NRP1: variants seen among roughly 807,000 people sequenced by gnomAD.
The protein encoded by NRP1 is neuropilin 1, also known as neuropilin-1.
A neutral mutation model predicts 106.7 loss-of-function variants in NRP1; 35 were observed. The ratio of observed to expected loss-of-function variants is 0.33; its 90% CI spans 0.25 to 0.43. NRP1 has a LOEUF of 0.43. Ranked by LOEUF, NRP1 falls within the 20% of genes least tolerant of loss-of-function variation. The pLI, the probability that NRP1 is intolerant of heterozygous loss-of-function variation, is 1.00. For missense variants in NRP1, 1,024 were observed against 1,170.4 expected (o/e 0.87, Z 1.83); for synonymous variants, 437 against 417.9 (o/e 1.05, Z -0.56).
At chr10:33,250,330 A>T (rs1841760962) in intron 6 of NRP1, among the ~76,000 whole-genome samples, 1 of 152,212 alleles carries the variant, frequency 6.6e-6, no homozygotes, top group Admixed American at 6.5e-5. Context: ...GGATGATAAC[A>T]GCACCCACCC....
chr10:33,202,380 T>G, intron 11 of NRP1: 2 of 345,768 alleles, frequency 5.8e-6, no homozygotes, highest in African/African-American at 2.1e-5. Context: ...TAGCAGCTAA[T>G]TCTGCCTTTG....
chr10:33,330,640 C>G, intron 2 of NRP1, 68 bp downstream of exon 2: 1 of 1,353,460 alleles, frequency 7.4e-7, no homozygotes, highest in South Asian at 1.5e-5. Flanking sequence ...ACACCGACTT[C>G]CCCCCCGTAG....
intron 2 of NRP1, among the ~76,000 whole-genome samples, chr10:33,301,229 C>T (rs1048353510): frequency 6.6e-6 from 1 of 152,180 alleles, no homozygotes; most frequent in African/African-American, 2.4e-5. Flanking sequence ...GGCTTGACAG[C>T]CTGTTCGCTT....
At chr10:33,313,352 T>G (rs1002364900) in intron 2 of NRP1, among the ~76,000 whole-genome samples, 7 of 152,074 alleles carry the variant, frequency 4.6e-5, no homozygotes, top group Middle Eastern at 3.4e-3. Context: ...AAGCAAAAAG[T>G]AGGGAGGGTC....
chr10:33,242,527 G>C (rs553092514), intron 6 of NRP1, among the ~76,000 whole-genome samples: 48 of 152,130 alleles, frequency 3.2e-4, no homozygotes, highest in Admixed American at 5.2e-4. Context: ...TTTTTAAGGT[G>C]GAAAACTTCA....
chr10:33,259,413 T>C (rs1436119155), intron 4 of NRP1, among the ~76,000 whole-genome samples: 2 of 152,174 alleles, frequency 1.3e-5, no homozygotes, highest in South Asian at 2.1e-4. Context: ...TAATGCAATA[T>C]TGATCTGAGC....
intron 13 of NRP1, among the ~76,000 whole-genome samples, chr10:33,189,937 G>T (rs532688180): frequency 1.3e-5 from 2 of 152,304 alleles, no homozygotes; most frequent in Non-Finnish European, 2.9e-5. Flanking sequence ...CTACACAAAT[G>T]ATTGTGTTTC....
intron 2 of NRP1, among the ~76,000 whole-genome samples, chr10:33,286,921 C>A (rs569042648): frequency 2.0e-4 from 31 of 152,208 alleles, no homozygotes; most frequent in African/African-American, 6.7e-4. Context: ...ATTCAGGAGA[C>A]CTTTCTTAAT....
At chr10:33,255,785 C>A (rs1008972954) in intron 5 of NRP1, among the ~76,000 whole-genome samples, 2 of 152,038 alleles carry the variant, frequency 1.3e-5, no homozygotes, top group African/African-American at 4.8e-5. Context: ...TTTTCTTGGG[C>A]CTTTAAAAGA....
chr10:33,334,556 A>G lies in NRP1; in HGVS notation c.-174T>C. The G allele has an allele frequency of 5.6e-6, 3 of 540,042 alleles. No homozygotes were observed. The allele number at this position is 540,042 out of a possible 1,614,324, so 33.5% of individuals were successfully genotyped here. On this transcript the variant is annotated 5_prime_UTR_variant, in exon 1 of 17. Transcript: ENST00000374867. ...GAGGCAATGCCTGGATCCGAGAGGA[A>G]CGCTTCTCTTTTTGTGTCTCAAGTC...
intron 6 of NRP1, among the ~76,000 whole-genome samples, chr10:33,246,519 G>A (rs1341859258): frequency 1.3e-5 from 2 of 151,802 alleles, no homozygotes; most frequent in East Asian, 3.9e-4. Context: ...TTTTTTTAAA[G>A]CAAATTGTCT....
intron 2 of NRP1, among the ~76,000 whole-genome samples, chr10:33,290,954 CT>C (rs1844951168): frequency 6.6e-6 from 1 of 152,140 alleles, no homozygotes; most frequent in Non-Finnish European, 1.5e-5. Context: ...TCCTTGATCT[CT>C]TTCTTCCAGC....
intron 8 of NRP1, among the ~76,000 whole-genome samples, chr10:33,219,111 G>A (rs1318866523): frequency 6.6e-6 from 1 of 152,070 alleles, no homozygotes; most frequent in African/African-American, 2.4e-5. Context: ...TGCTTGCTGG[G>A]GCATATGCTA....
At chr10:33,183,999 C>T (rs1835849056) in intron 15 of NRP1, among the ~76,000 whole-genome samples, 1 of 149,696 alleles carries the variant, frequency 6.7e-6, no homozygotes, top group Admixed American at 6.7e-5. Flanking sequence ...TCTTTTCTCC[C>T]TTCCTTCCTT....
At chr10:33,184,340 TCC>T (rs1432865693) in intron 15 of NRP1, among the ~76,000 whole-genome samples, 1 of 152,204 alleles carries the variant, frequency 6.6e-6, no homozygotes, top group African/African-American at 2.4e-5. Flanking sequence ...CACTGGAGCA[TCC>T]GCATGCTGCT....
chr10:33,206,082 T>C (rs2132731057), intron 10 of NRP1: 1 of 422,362 alleles, frequency 2.4e-6, no homozygotes, highest in South Asian at 1.8e-5. Context: ...CATCATGTTC[T>C]CATTACAATT....
intron 2 of NRP1, among the ~76,000 whole-genome samples, chr10:33,296,848 G>A (rs1018088312): frequency 2.0e-5 from 3 of 152,042 alleles, no homozygotes; most frequent in African/African-American, 7.2e-5. Flanking sequence ...GGCCAACATG[G>A]CGAAACCCCG....
chr10:33,180,023 A>G lies in NRP1; in HGVS notation c.*53T>C. The G allele has an allele frequency of 6.4e-7, 1 of 1,561,956 alleles. No individual in the cohort carries two copies. Among genetic ancestry groups the G allele is most frequent in the Non-Finnish European group, 8.7e-7 (1 of 1,143,894 alleles). On this transcript the variant is annotated 3_prime_UTR_variant, in exon 17 of 17. Transcript: ENST00000374867. ...TGAAAGATCAACAGCTCCCCAGCTC[A>G]CTCCCGTCCTTCCACTTCCGTCCTT...
At chr10:33,221,304 A>G (rs1353790615) in intron 8 of NRP1, among the ~76,000 whole-genome samples, 1 of 152,248 alleles carries the variant, frequency 6.6e-6, no homozygotes, top group Non-Finnish European at 1.5e-5. Context: ...GTCAGTATCC[A>G]GGAAGCAGAG....
Sources: allele counts gnomAD v4.1 joint callset (sites outside exome capture counted in the v4.1 genomes callset), GRCh38; gene constraint gnomAD v4.1.1; transcripts MANE v1.5; gene names NCBI Gene and HGNC (gene_info 2026-07-23, HGNC 2026-07-21).